The following CCND2 variants were observed in gnomAD, a reference collection of about 807,000 sequenced individuals.
The protein encoded by CCND2 is G1/S-specific cyclin-D2.
Under a neutral mutation model 30.2 loss-of-function variants are expected in CCND2, and 6 were observed. The ratio of observed to expected loss-of-function variants is 0.20; its 90% CI spans 0.11 to 0.39. The LOEUF is 0.39. Among genes scored for constraint, CCND2 ranks in the 10% least tolerant of loss-of-function variants. CCND2 has a pLI of 1.00. For missense variants in CCND2, 235 were observed against 373.4 expected (o/e 0.63, Z 3.06); for synonymous variants, 150 against 153.1 (o/e 0.98, Z 0.15).
chr12:4,278,084 T>C (rs1157374110), intron 2 of CCND2, among the ~76,000 whole-genome samples: 1 of 152,128 alleles, frequency 6.6e-6, no homozygotes, highest in African/African-American at 2.4e-5. Context: ...ATCTGCAAAA[T>C]GAGGTTGCTA....
At chr12:4,278,304 G>T (rs1863900696) in intron 2 of CCND2, among the ~76,000 whole-genome samples, 1 of 152,190 alleles carries the variant, frequency 6.6e-6, no homozygotes, top group East Asian at 1.9e-4. Context: ...AGCTTTATCT[G>T]TGTGCATCAT....
intron 4 of CCND2, among the ~76,000 whole-genome samples, chr12:4,297,181 C>A (rs533671272): frequency 9.2e-4 from 140 of 152,298 alleles, no homozygotes; most frequent in African/African-American, 3.2e-3. Flanking sequence ...CCTTAACCCC[C>A]ACATTCATTT....
intron 3 of CCND2, among the ~76,000 whole-genome samples, chr12:4,283,503 A>G (rs1863981022): frequency 6.6e-6 from 1 of 152,224 alleles, no homozygotes; most frequent in Non-Finnish European, 1.5e-5. Context: ...ACTCACAGTG[A>G]GTGACATCAG....
intron 3 of CCND2, among the ~76,000 whole-genome samples, chr12:4,281,043 G>A (rs750535754): frequency 2.6e-5 from 4 of 152,234 alleles, no homozygotes; most frequent in African/African-American, 9.6e-5. Context: ...CAGAGGCCCA[G>A]AGGGATACAG....
intron 2 of CCND2, among the ~76,000 whole-genome samples, chr12:4,277,484 G>A (rs1191202728): frequency 1.3e-5 from 2 of 152,254 alleles, no homozygotes; most frequent in Non-Finnish European, 2.9e-5. Flanking sequence ...TCTCATGAGA[G>A]AGCAGGAAAA....
At chr12:4,291,071 G>T (rs1309429538) in intron 4 of CCND2, among the ~76,000 whole-genome samples, 1 of 152,172 alleles carries the variant, frequency 6.6e-6, no homozygotes, top group Non-Finnish European at 1.5e-5. Context: ...GCGGTGAAAT[G>T]TACAATTCAT....
At chr12:4,296,571 A>G (rs1000908719) in intron 4 of CCND2, among the ~76,000 whole-genome samples, 1 of 152,266 alleles carries the variant, frequency 6.6e-6, no homozygotes, top group African/African-American at 2.4e-5. Flanking sequence ...TCTCTTTTAG[A>G]TAACAAAAGC....
chr12:4,279,471 G>A (rs1310722198), intron 3 of CCND2, among the ~76,000 whole-genome samples: 6 of 151,784 alleles, frequency 4.0e-5, no homozygotes, highest in Non-Finnish European at 5.9e-5. Context: ...CCCACTGGGC[G>A]CGGGAGGGAA....
rs1315748586 is a variant in CCND2, at chr12:4,301,371, T to C, written c.*1362T>C. 4.3e-6 allele frequency: 1 copy of C among 232,988 alleles called. No individual in the cohort carries two copies. The highest frequency in any genetic ancestry group is 5.6e-5 in the Admixed American group (1 of 17,726). The allele number at this position is 232,988 out of a possible 1,614,324, so 14.4% of individuals were successfully genotyped here. On this transcript the variant is annotated 3_prime_UTR_variant, in exon 5 of 5. Transcript: ENST00000261254. The stretch of plus-strand genomic sequence containing the variant: ...CTTTTCCGTTTTTTTTTTTTTATTG[T>C]TGTTGTTAATTTTATTGCAAAGTTG...
chr12:4,279,696 G>T (rs1281859918), intron 3 of CCND2, among the ~76,000 whole-genome samples: 7 of 145,478 alleles, frequency 4.8e-5, no homozygotes, highest in Non-Finnish European at 9.2e-5. Context: ...TTATTAAACA[G>T]CCTTGGCCAG....
intron 4 of CCND2, among the ~76,000 whole-genome samples, chr12:4,292,716 A>G (rs1271869067): frequency 6.6e-6 from 1 of 151,956 alleles, no homozygotes; most frequent in East Asian, 1.9e-4. Flanking sequence ...TTTCCTTCCA[A>G]TCGTAAGAGT....
At chr12:4,284,774 TCAC>T (rs935410294) in intron 3 of CCND2, among the ~76,000 whole-genome samples, 82 of 149,922 alleles carry the variant, frequency 5.5e-4, no homozygotes, top group African/African-American at 2.0e-3. Context: ...TCTTGCTCTG[TCAC>T]CCAGGCTGGA....
In CCND2 at chr12:4,276,033, A is replaced by C. The variant is rs1863869519; in HGVS notation, c.224A>C (p.Glu75Ala). The change falls in exon 2 of 5, where the codon GAG becomes GCG. Residue 75 changes from glutamate to alanine, a missense_variant. This residue lies in a region of CCND2 where 178 missense variants were observed against 322.8 expected (regional missense o/e 0.55). Coordinates refer to ENST00000261254, the MANE Select transcript of CCND2 (RefSeq NM_001759.4). The surrounding 1 kb of genome is among the most constrained non-coding windows in gnomAD (Gnocchi z 4.8). Reference protein sequence around the residue: ...EVCEEQKCEEEVFPLAMNYLD... With the variant: ...EVCEEQKCEEAVFPLAMNYLD... Reference sequence around the variant, plus strand: ...TGTGAGGAACAGAAGTGCGAAGAAGAGGTCTTCCCTCTGGCCATGAATTAC... The same window carrying C: ...TGTGAGGAACAGAAGTGCGAAGAAGCGGTCTTCCCTCTGGCCATGAATTAC... The C allele has an allele frequency of 6.2e-7, 1 of 1,612,258 alleles. No homozygotes were observed. Among genetic ancestry groups the C allele is most frequent in the Admixed American group, 1.7e-5 (1 of 59,896 alleles).
chr12:4,275,924 A>T, intron 1 of CCND2, 81 bp from the exon 2 acceptor site: 1 of 882,886 alleles, frequency 1.1e-6, no homozygotes, highest in Non-Finnish European at 1.7e-6. Flanking sequence ...TCGATAGATT[A>T]CGCTTTTTTA....
At chr12:4,279,272 G>A (rs1863915453) in intron 3 of CCND2, among the ~76,000 whole-genome samples, 1 of 152,192 alleles carries the variant, frequency 6.6e-6, no homozygotes, top group Admixed American at 6.5e-5. Flanking sequence ...GGAAAAGGAT[G>A]GCTTGGAGAT....
chr12:4,275,981 A>G (rs754206192), intron 1 of CCND2, 24 bp from the exon 2 acceptor site: 1 of 1,059,078 alleles, frequency 9.4e-7, no homozygotes. Flanking sequence ...CCCGCCCCCC[A>G]ACCCTTTCCC....
At position 4,304,958 on chromosome 12, in the gene CCND2, A is replaced by G. The variant is rs1864295639; in HGVS notation, c.*4949A>G. On this transcript the variant is annotated 3_prime_UTR_variant, in exon 5 of 5. Coordinates refer to ENST00000261254, the MANE Select transcript of CCND2 (RefSeq NM_001759.4). The surrounding 1 kb of genome is among the most constrained non-coding windows in gnomAD (Gnocchi z 6.2). ...TCTCTCTCTCTCCTCTCTCTCAGTT[A>G]TGTAGTTTCTTGTCTTGGACTTTTT... 3 of 229,488 alleles carry G rather than the reference A, an allele frequency of 1.3e-5. No homozygotes were observed. Among genetic ancestry groups the G allele is most frequent in the South Asian group, 3.8e-4 (2 of 5,282 alleles). The allele number at this position is 229,488 out of a possible 1,614,324, so 14.2% of individuals were successfully genotyped here. A position where few individuals can be genotyped will look rare whatever the true frequency, so the allele number is the denominator to read the frequency against.
chr12:4,284,747 T>TC (rs1276985746), intron 3 of CCND2, among the ~76,000 whole-genome samples: 1 of 150,744 alleles, frequency 6.6e-6, no homozygotes, highest in Admixed American at 6.6e-5. Flanking sequence ...TCTTTTTCTT[T>TC]TTTTTTTTTG....
chr12:4,305,292 G>GA lies in CCND2; in HGVS notation c.*5287dup, dbSNP rs1295724541. ...TTCTGACTAGTTTAAAGATGGATTT[G>GA]AAAATGGTTTTGAATGCAATTAGGT... is the stretch of plus-strand genomic sequence containing the variant. On this transcript the variant is annotated 3_prime_UTR_variant, in exon 5 of 5. Transcript: ENST00000261254. The surrounding 1 kb of genome is among the most constrained non-coding windows in gnomAD (Gnocchi z 6.4). The GA allele has an allele frequency of 4.4e-6, 1 of 229,564 alleles. No individual in the cohort carries two copies. Among genetic ancestry groups the GA allele is most frequent in the Non-Finnish European group, 8.6e-6 (1 of 115,920 alleles). The allele number at this position is 229,564 out of a possible 1,614,324, so 14.2% of individuals were successfully genotyped here.
Sources: gnomAD v4.1 joint callset for allele counts (sites outside exome capture counted in the v4.1 genomes callset) on GRCh38, gnomAD v4.1.1 for gene constraint, gnomAD v4.1.1 regional missense constraint, Gnocchi (gnomAD v3.1) non-coding constraint, MANE v1.5 for transcripts, NCBI Gene and HGNC (gene_info 2026-07-23, HGNC 2026-07-21) for gene names.